TMTC2: variants seen among roughly 807,000 people sequenced by gnomAD.
TMTC2 encodes transmembrane O-mannosyltransferase targeting cadherins 2.
TMTC2 carries 43 observed loss-of-function variants against 82.4 expected under a neutral mutation model. The ratio of observed to expected loss-of-function variants is 0.52; its 90% CI spans 0.41 to 0.67. The LOEUF is 0.67. TMTC2 is among the 30% of genes least tolerant of loss of function. The pLI, the probability that TMTC2 is intolerant of heterozygous loss-of-function variation, is 0.00. For missense variants in TMTC2, 919 were observed against 1,012.4 expected, an observed-to-expected ratio of 0.91 and a Z score of 1.25; for synonymous variants, 408 against 381.9, an observed-to-expected ratio of 1.07 and a Z score of -0.80.
chr12:82,857,081 G>C lies in TMTC2; in HGVS notation c.155G>C (p.Trp52Ser), dbSNP rs752806501. ...ACGCACATTTTCTACAATGATTTTT[G>C]GGGGACTCTTCTAACCCACAGTGGC... ...PWTHIFYNDF[W>S]GTLLTHSGSH... Residue 52 changes from tryptophan (W) to serine (S), a missense_variant, in exon 2 of 12, where the codon TGG becomes TCG. Physicochemically the swap from Trp to Ser is radical, Grantham distance 177. Coordinates refer to ENST00000321196, the MANE Select transcript of TMTC2 (RefSeq NM_152588.3). The C allele has an allele frequency of 3.7e-6, 6 of 1,613,460 alleles. No individual in the cohort carries two copies. Among genetic ancestry groups the C allele is most frequent in the Non-Finnish European group, 5.1e-6 (6 of 1,180,000 alleles).
intron 1 of TMTC2, among the ~76,000 whole-genome samples, chr12:82,783,948 A>G (rs992127068): frequency 2.0e-5 from 3 of 152,098 alleles, no homozygotes; most frequent in African/African-American, 7.2e-5. Flanking sequence ...GAGAATGTTT[A>G]TAACAATATT....
At chr12:82,693,684 G>T (rs1367131298) in intron 1 of TMTC2, among the ~76,000 whole-genome samples, 1 of 151,734 alleles carries the variant, frequency 6.6e-6, no homozygotes, top group Non-Finnish European at 1.5e-5. Flanking sequence ...AGAATAAAAG[G>T]TGTGGCCGGG....
intron 1 of TMTC2, among the ~76,000 whole-genome samples, chr12:82,702,915 G>A (rs1260908324): frequency 6.6e-6 from 1 of 152,190 alleles, no homozygotes; most frequent in Non-Finnish European, 1.5e-5. Context: ...AGGAGGCTGA[G>A]ATTGGAGGAT....
At position 82,908,354 on chromosome 12, in the gene TMTC2, G is replaced by A. The variant is rs532021275; in HGVS notation, c.1483+11708G>A. 5.3e-5 allele frequency among the ~76,000 whole-genome samples: 8 copies of A among 150,046 alleles called. No individual in the cohort carries two copies. In the South Asian group the frequency reaches 8.6e-4, roughly 16 times the overall value. ...TTGATTTTTTCACCATTGATTTTAT[G>A]TACTTACAGTTTTTTCTGTAGGTAA... On this transcript the variant is annotated intron_variant, in intron 3 of 11. Coordinates refer to ENST00000321196, the MANE Select transcript of TMTC2 (RefSeq NM_152588.3).
At chr12:82,965,917 G>T (rs1878186009) in intron 6 of TMTC2, 173 bp downstream of exon 6, 5 of 648,278 alleles carry the variant, frequency 7.7e-6, no homozygotes, top group African/African-American at 1.8e-5. Context: ...ATGGTTTTTT[G>T]ATCAAATTTG....
chr12:83,129,773 G>A (rs1320129409), intron 11 of TMTC2, among the ~76,000 whole-genome samples: 2 of 152,098 alleles, frequency 1.3e-5, no homozygotes, highest in East Asian at 3.9e-4. Context: ...AATAATGTGG[G>A]TATTCTCATA....
In TMTC2 at chr12:82,965,577, G is replaced by A. The variant is rs1399063453; in HGVS notation, c.1702G>A (p.Gly568Ser). 4 of 1,613,146 alleles carry A rather than the reference G, an allele frequency of 2.5e-6. No individual in the cohort carries two copies. Among genetic ancestry groups the A allele is most frequent in the Non-Finnish European group, 3.4e-6 (4 of 1,179,578 alleles). The change falls in exon 6 of 12, where the codon GGT (glycine) becomes AGT (serine). Residue 568 changes from glycine (G) to serine (S), a missense_variant. Transcript: ENST00000321196. ...PTLASAYLNT[G>S]IILMNQGRTE... ...CCCCTCAGCTGCATATTTAAATACC[G>A]GTATTATTCTAATGAACCAAGGAAG...
chr12:82,953,173 T>A (rs1268761214), intron 4 of TMTC2, among the ~76,000 whole-genome samples: 1 of 152,158 alleles, frequency 6.6e-6, no homozygotes, highest in African/African-American at 2.4e-5. Flanking sequence ...GGAAGTGCGC[T>A]CCTTTCAGGT....
intron 1 of TMTC2, among the ~76,000 whole-genome samples, chr12:82,825,466 T>C (rs1419896068): frequency 6.6e-6 from 1 of 152,120 alleles, no homozygotes; most frequent in African/African-American, 2.4e-5. Flanking sequence ...GTTCGTAAAA[T>C]TGCTTTAGTT....
At chr12:82,919,163 A>C (rs1362371673) in intron 3 of TMTC2, among the ~76,000 whole-genome samples, 1 of 152,218 alleles carries the variant, frequency 6.6e-6, no homozygotes, top group Non-Finnish European at 1.5e-5. Flanking sequence ...GTTGAACTGT[A>C]ACAGAAGGCA....
At chr12:82,748,970 C>T (rs953762984) in intron 1 of TMTC2, among the ~76,000 whole-genome samples, 3 of 152,076 alleles carry the variant, frequency 2.0e-5, no homozygotes, top group Non-Finnish European at 2.9e-5. Flanking sequence ...TATATATAAA[C>T]CTAATACATA....
rs193198691 is a variant in TMTC2, at chr12:82,910,713, T to G, written c.1483+14067T>G. Among the ~76,000 whole-genome samples the G allele has an allele frequency of 3.3e-5, 5 of 152,240 alleles. No homozygotes were observed. In the East Asian group the frequency reaches 9.7e-4, roughly 30 times the overall value. On this transcript the variant is annotated intron_variant, in intron 3 of 11. Transcript: ENST00000321196. ...GGCTGCTCCCCAGCCTGGGCTCTCC[T>G]CTGATTGCTCCGGCCAAACTCTGCC...
chr12:82,692,247 T>A (rs1263538017), intron 1 of TMTC2, among the ~76,000 whole-genome samples: 1 of 152,180 alleles, frequency 6.6e-6, no homozygotes, highest in African/African-American at 2.4e-5. Context: ...ATTATTACAT[T>A]TACATTGGTG....
intron 1 of TMTC2, among the ~76,000 whole-genome samples, chr12:82,803,435 T>G (rs919929377): frequency 2.0e-5 from 3 of 152,086 alleles, no homozygotes; most frequent in Non-Finnish European, 4.4e-5. Flanking sequence ...GGAGAGGCAG[T>G]TTCCTGATGG....
rs187702183 is a variant in TMTC2, at chr12:82,930,602, A to C, written c.1598+57A>C. 1.2e-5 allele frequency: 13 copies of C among 1,051,876 alleles called. No homozygotes were observed. In the East Asian group the frequency reaches 1.5e-4, roughly 12 times the overall value. 65.2% of individuals were successfully genotyped at this position (1,051,876 alleles called of 1,614,324 possible). On this transcript the variant is annotated intron_variant, in intron 4 of 11. Coordinates refer to ENST00000321196, the MANE Select transcript of TMTC2 (RefSeq NM_152588.3). ...GTCTTTGAAACCTGCAGTGAGAGGG[A>C]CTATTGATTTAACTGCTGGAAATGG...
chr12:83,026,317 G>A (rs1881174352), intron 8 of TMTC2, among the ~76,000 whole-genome samples: 1 of 152,102 alleles, frequency 6.6e-6, no homozygotes, highest in African/African-American at 2.4e-5. Flanking sequence ...GATTTTAGAA[G>A]TTCTCTACCA....
Position 82,871,700 on chromosome 12 carries a change from T to TGTGC in TMTC2, c.654+14123_654+14124insCGTG, listed in dbSNP as rs1466762988. 4.0e-5 allele frequency among the ~76,000 whole-genome samples: 6 copies of TGTGC among 151,756 alleles called. No homozygotes were observed. In the East Asian group the frequency reaches 9.7e-4, roughly 24 times the overall value. On this transcript the variant is annotated intron_variant, in intron 2 of 11. Transcript: ENST00000321196. ...GCTCATCTGTGTGTGTGTGTGTGTG[T>TGTGC]GTGTGTGTGTGTGTGTGTGTTTTAA...
intron 4 of TMTC2, among the ~76,000 whole-genome samples, chr12:82,958,380 CAAAA>C (rs1877736581): frequency 4.0e-5 from 3 of 75,298 alleles, no homozygotes; most frequent in African/African-American, 1.4e-4. Context: ...ACAAAAAAAA[CAAAA>C]AAACTACTGA....
chr12:83,107,814 G>A (rs551627796), intron 11 of TMTC2, among the ~76,000 whole-genome samples: 12 of 152,100 alleles, frequency 7.9e-5, no homozygotes, highest in Admixed American at 2.6e-4. Context: ...AAATCACCAC[G>A]CTGAATTTTG....
Sources: gnomAD v4.1 joint callset for allele counts (sites outside exome capture counted in the v4.1 genomes callset) on GRCh38, gnomAD v4.1.1 for gene constraint, MANE v1.5 for transcripts, NCBI Gene and HGNC (gene_info 2026-07-23, HGNC 2026-07-21) for gene names.